DCAF15: variants seen among roughly 807,000 people sequenced by gnomAD.
DCAF15 encodes the protein DDB1- and CUL4-associated factor 15.
A neutral mutation model predicts 68.0 loss-of-function variants in DCAF15; 24 were observed. That is an observed-to-expected ratio of 0.35 (90% CI 0.26 to 0.50). The LOEUF is 0.50. Among genes scored for constraint, DCAF15 ranks in the 20% least tolerant of loss-of-function variants. DCAF15 has a pLI of 0.98. For missense variants in DCAF15, 627 were observed against 830.6 expected (o/e 0.75, Z 3.01); for synonymous variants, 376 against 341.6 (o/e 1.10, Z -1.11).
chr19:13,961,267 G>A lies in DCAF15; in HGVS notation c.*272G>A, dbSNP rs900113354. The stretch of plus-strand genomic sequence containing the variant: ...CCGCCTTCACCCCGAGCTGGGCATG[G>A]GCCTGGCCCCTCGTGCATTTGCCCT... On this transcript the variant is annotated 3_prime_UTR_variant, in exon 13 of 13. Transcript: ENST00000254337. The A allele has an allele frequency of 7.3e-6, 4 of 549,554 alleles. No homozygotes were observed. The African/African-American group carries it at 7.7e-5, about 11-fold the overall frequency. 34.0% of individuals were successfully genotyped at this position (549,554 alleles called of 1,614,324 possible). A position where few individuals can be genotyped will look rare whatever the true frequency, so the allele number is the denominator to read the frequency against.
At chr19:13,960,096 G>A in intron 10 of DCAF15, 27 bp downstream of exon 10, 1 of 1,611,760 alleles carries the variant, frequency 6.2e-7, no homozygotes, top group Non-Finnish European at 8.5e-7. Flanking sequence ...TGCCCTCTCT[G>A]TCCACTAGGG....
At chr19:13,953,251 G>C in intron 1 of DCAF15, 1 of 1,028,978 alleles carries the variant, frequency 9.7e-7, no homozygotes, top group Non-Finnish European at 1.4e-6. Flanking sequence ...GGGGGATGAT[G>C]TCTCTCTCCC....
chr19:13,953,932 C>T (rs550216163), intron 1 of DCAF15, among the ~76,000 whole-genome samples: 3 of 152,102 alleles, frequency 2.0e-5, no homozygotes, highest in Non-Finnish European at 4.4e-5. Context: ...CAGATGGGTG[C>T]AGGTCAGGAC....
chr19:13,953,223 CTG>C, intron 1 of DCAF15: 1 of 1,297,808 alleles, frequency 7.7e-7, no homozygotes, highest in Middle Eastern at 1.9e-4. Flanking sequence ...CTCCATCAGA[CTG>C]GAAACTCCCA....
rs1376504343 is a variant in DCAF15 at position 13,959,455 on chromosome 19, G to GTCCCCTCTCC, written c.1195_1196insTCCCCTCTCC (p.Gly399ValfsTer12). 1 of 1,609,682 alleles carries GTCCCCTCTCC rather than the reference G, an allele frequency of 6.2e-7. No individual in the cohort carries two copies. Among genetic ancestry groups the GTCCCCTCTCC allele is most frequent in the Non-Finnish European group, 8.5e-7 (1 of 1,178,616 alleles). ...CAAGCTGTACTATGTGCTGGAGTCCGGAGAGGGGACGGAGCCGGAGGATGG... is the reference window on the plus strand; with the variant it reads ...CAAGCTGTACTATGTGCTGGAGTCCGTCCCCTCTCCGAGAGGGGACGGAGCCGGAGGATGG... On this transcript the variant is annotated frameshift_variant, in exon 7 of 13. Coordinates refer to ENST00000254337, the MANE Select transcript of DCAF15 (RefSeq NM_138353.4). LOFTEE classifies it high-confidence loss of function.
At chr19:13,960,700 G>A in intron 12 of DCAF15, 120 bp downstream of exon 12, 1 of 1,093,664 alleles carries the variant, frequency 9.1e-7, no homozygotes. Flanking sequence ...GGCAGCCCAG[G>A]CCAGGCCCAG....
rs2145505083 is a variant in DCAF15, at chr19:13,960,031, C to G, written c.1488C>G (p.Leu496=). The G allele has an allele frequency of 5.0e-6, 8 of 1,613,720 alleles. No homozygotes were observed. In the East Asian group the frequency reaches 1.6e-4, roughly 31 times the overall value. ...TCCTCATCAACATTGGCCTGCTGCT[C>G]CTGGCCTTCCCGTCCCCCACTGAGG... ...NQVLINIGLL[L]LAFPSPTEEG... Residue 496 remains leucine (L), a synonymous_variant, in exon 10 of 13, where the codon CTC becomes CTG. Transcript: ENST00000254337.
In DCAF15 at chr19:13,961,270, C is replaced by T; in HGVS notation, c.*275C>T. The T allele has an allele frequency of 1.8e-6, 1 of 546,524 alleles. No individual in the cohort carries two copies. Among genetic ancestry groups the T allele is most frequent in the Non-Finnish European group, 3.3e-6 (1 of 303,172 alleles). The allele number at this position is 546,524 out of a possible 1,614,324, so 33.9% of individuals were successfully genotyped here. A position where few individuals can be genotyped will look rare whatever the true frequency, so the allele number is the denominator to read the frequency against. ...CCTTCACCCCGAGCTGGGCATGGGC[C>T]TGGCCCCTCGTGCATTTGCCCTTTT... is the stretch of plus-strand genomic sequence containing the variant. On this transcript the variant is annotated 3_prime_UTR_variant, in exon 13 of 13. Transcript: ENST00000254337.
chr19:13,957,393 C>G (rs999259777), intron 6 of DCAF15, among the ~76,000 whole-genome samples: 3 of 152,180 alleles, frequency 2.0e-5, no homozygotes, highest in African/African-American at 4.8e-5. Context: ...CAGAGTCTCA[C>G]TGGGTCCGTA....
intron 6 of DCAF15, among the ~76,000 whole-genome samples, chr19:13,958,321 G>A (rs1331262400): frequency 2.0e-5 from 3 of 152,138 alleles, no homozygotes; most frequent in Middle Eastern, 3.4e-3. Flanking sequence ...TCTGTTCCCC[G>A]CCCTGTTGTG....
In DCAF15 at chr19:13,959,446, C is replaced by G; in HGVS notation, c.1186C>G (p.Leu396Val). The change falls in exon 7 of 13, where the codon CTG becomes GTG. Residue 396 changes from leucine (L) to valine (V), a missense_variant. Leu to Val is a conservative substitution (Grantham distance 32). This residue lies in a region of DCAF15 where 236 missense variants were observed against 225.1 expected (regional missense o/e 1.05). Transcript: ENST00000254337. ...CAACTACACCAAGCTGTACTATGTG[C>G]TGGAGTCCGGAGAGGGGACGGAGCC... ...YVNYTKLYYV[L>V]ESGEGTEPED... 3 of 1,610,070 alleles carry G rather than the reference C, an allele frequency of 1.9e-6. No homozygotes were observed. Among genetic ancestry groups the G allele is most frequent in the Non-Finnish European group, 2.5e-6 (3 of 1,179,228 alleles).
At chr19:13,960,184 C>G (rs1973556138) in intron 10 of DCAF15, 103 bp from the exon 11 acceptor site, 1 of 1,562,414 alleles carries the variant, frequency 6.4e-7, no homozygotes, top group African/African-American at 1.4e-5. Context: ...TGGCTGGGCC[C>G]CTCCATAGCT....
At chr19:13,957,467 C>T (rs948861245) in intron 6 of DCAF15, among the ~76,000 whole-genome samples, 3 of 151,982 alleles carry the variant, frequency 2.0e-5, no homozygotes, top group East Asian at 1.9e-4. Flanking sequence ...GATTGGGGAG[C>T]GACTTAGGAG....
Position 13,961,010 on chromosome 19 carries a change from C to T in DCAF15, c.*15C>T, listed in dbSNP as rs774917400. On this transcript the variant is annotated 3_prime_UTR_variant, in exon 13 of 13. Coordinates refer to ENST00000254337, the MANE Select transcript of DCAF15 (RefSeq NM_138353.4). Reference sequence around the variant, plus strand: ...TCGTGCTGTGAGGGCCAGGCCGCCCCGGACACTGACTCCAACTACCTCCGT... The same window carrying T: ...TCGTGCTGTGAGGGCCAGGCCGCCCTGGACACTGACTCCAACTACCTCCGT... 1.4e-5 allele frequency: 23 copies of T among 1,613,344 alleles called. No individual in the cohort carries two copies. The highest frequency in any genetic ancestry group is 3.3e-5 in the Admixed American group (2 of 60,010).
chr19:13,959,370 C>T lies in DCAF15; in HGVS notation c.1110C>T (p.Pro370=), dbSNP rs1432274624. 6.2e-7 allele frequency: 1 copy of T among 1,605,926 alleles called. No individual in the cohort carries two copies. The highest frequency in any genetic ancestry group is 8.5e-7 in the Non-Finnish European group (1 of 1,179,756). ...EPLALCGETA[P]RDSPPASEAP... is the part of the protein sequence containing the mutation. ...TAGCCCTGTGTGGAGAGACGGCACC[C>T]CGGGACAGCCCCCCTGCCTCGGAGG... Residue 370 remains proline (P), a synonymous_variant, in exon 7 of 13, where the codon CCC becomes CCT. Coordinates refer to ENST00000254337, the MANE Select transcript of DCAF15 (RefSeq NM_138353.4).
In DCAF15 at chr19:13,953,223, C is replaced by T. The variant is rs1031543803; in HGVS notation, c.132+579C>T. 4 of 1,297,690 alleles carry T rather than the reference C, an allele frequency of 3.1e-6. No homozygotes were observed. The African/African-American group carries it at 4.7e-5, about 15-fold the overall frequency. 80.4% of individuals were successfully genotyped at this position (1,297,690 alleles called of 1,614,324 possible). A position where few individuals can be genotyped will look rare whatever the true frequency, so the allele number is the denominator to read the frequency against. On this transcript the variant is annotated intron_variant, in intron 1 of 12. Coordinates refer to ENST00000254337, the MANE Select transcript of DCAF15 (RefSeq NM_138353.4). ...AGCAGGCTCTGTCTCCTCCATCAGACTGGAAACTCCCAGAGCTGGGGGATG... is the reference window on the plus strand; with the variant it reads ...AGCAGGCTCTGTCTCCTCCATCAGATTGGAAACTCCCAGAGCTGGGGGATG...
chr19:13,957,034 G>A (rs10404652), intron 6 of DCAF15, among the ~76,000 whole-genome samples: 3,435 of 152,338 alleles, frequency 0.023, 115 homozygotes, highest in African/African-American at 0.073. Flanking sequence ...GGGATGACAG[G>A]CGTGAGCCAC....
At chr19:13,957,227 A>T (rs974116196) in intron 6 of DCAF15, among the ~76,000 whole-genome samples, 1 of 152,234 alleles carries the variant, frequency 6.6e-6, no homozygotes, top group African/African-American at 2.4e-5. Context: ...TGCCAGTGAG[A>T]ATCACAAGAT....
chr19:13,958,741 T>G (rs1286072084), intron 6 of DCAF15, among the ~76,000 whole-genome samples: 1 of 152,128 alleles, frequency 6.6e-6, no homozygotes, highest in East Asian at 1.9e-4. Flanking sequence ...GTGAACACTC[T>G]ACGCTGTAGA....
Sources: allele counts gnomAD v4.1 joint callset (sites outside exome capture counted in the v4.1 genomes callset), GRCh38; gene constraint gnomAD v4.1.1; regional missense constraint gnomAD v4.1.1; transcripts MANE v1.5; gene names NCBI Gene and HGNC (gene_info 2026-07-23, HGNC 2026-07-21).